MSI2: variants seen among roughly 807,000 people sequenced by gnomAD.
The protein encoded by MSI2 is RNA-binding protein Musashi homolog 2.
MSI2 carries 17 observed loss-of-function variants against 45.6 expected under a neutral mutation model. The observed-to-expected ratio is 0.37, with a 90% CI of 0.26 to 0.56. The LOEUF (loss-of-function observed/expected upper bound fraction) is 0.56, where lower values mean the gene tolerates loss of function less well. Among genes scored for constraint, MSI2 ranks in the 20% least tolerant of loss-of-function variants. The pLI, the probability that MSI2 is intolerant of heterozygous loss-of-function variation, is 0.77. For synonymous variants in MSI2, 156 were observed against 158.2 expected (o/e 0.99, Z 0.11); for missense variants, 293 against 444.2 (o/e 0.66, Z 3.06).
At chr17:57,538,880 G>A (rs1329227801) in intron 7 of MSI2, among the ~76,000 whole-genome samples, 1 of 152,184 alleles carries the variant, frequency 6.6e-6, no homozygotes, top group African/African-American at 2.4e-5. Context: ...CTTAATAGCT[G>A]TGTGACCTTG....
intron 5 of MSI2, among the ~76,000 whole-genome samples, chr17:57,382,259 G>A (rs1011963338): frequency 3.3e-5 from 5 of 152,306 alleles, no homozygotes; most frequent in Middle Eastern, 3.4e-3. Flanking sequence ...GTAGGAGGGG[G>A]ACAGGTGAGA....
At chr17:57,621,364 G>A (rs2144583759) in intron 9 of MSI2, among the ~76,000 whole-genome samples, 1 of 152,368 alleles carries the variant, frequency 6.6e-6, no homozygotes, top group African/African-American at 2.4e-5. Context: ...ATTATTGAAA[G>A]AGTGGAAAAA....
In MSI2 at chr17:57,631,912, G is replaced by A. The variant is rs544104654; in HGVS notation, c.727+4609G>A. On this transcript the variant is annotated intron_variant, in intron 10 of 13. Transcript: ENST00000284073. Reference sequence around the variant, plus strand: ...CACAGTCCCGGCCTGGGCTGCCCCCGCTCCAGTCAATGCTCACTGAAAGTC... The same window carrying A: ...CACAGTCCCGGCCTGGGCTGCCCCCACTCCAGTCAATGCTCACTGAAAGTC... The A allele has an allele frequency of 2.8e-4, 440 of 1,572,122 alleles. 2 individuals are homozygous for A. The highest frequency in any genetic ancestry group is 7.8e-4 in the East Asian group (34 of 43,626).
intron 6 of MSI2, among the ~76,000 whole-genome samples, chr17:57,510,776 G>A (rs1355140777): frequency 6.6e-6 from 1 of 152,206 alleles, no homozygotes; most frequent in Non-Finnish European, 1.5e-5. Flanking sequence ...GCTGGAGCTG[G>A]CCAAGGCAGA....
intron 5 of MSI2, among the ~76,000 whole-genome samples, chr17:57,345,883 T>C (rs953921761): frequency 2.0e-5 from 3 of 152,132 alleles, no homozygotes; most frequent in Admixed American, 2.0e-4. Flanking sequence ...TTTTCCTTAC[T>C]GTCCTTTTTC....
chr17:57,560,734 G>A (rs895209265), intron 7 of MSI2, among the ~76,000 whole-genome samples: 8 of 152,184 alleles, frequency 5.3e-5, no homozygotes, highest in Non-Finnish European at 1.0e-4. Context: ...AATTACTGCC[G>A]GTATGGAGAG....
chr17:57,270,183 G>C (rs1438514912), intron 5 of MSI2, among the ~76,000 whole-genome samples: 1 of 152,172 alleles, frequency 6.6e-6, no homozygotes, highest in African/African-American at 2.4e-5. Context: ...GTCATTTATT[G>C]TGAGTTTATA....
intron 10 of MSI2, among the ~76,000 whole-genome samples, chr17:57,640,828 C>T (rs2144651960): frequency 6.6e-6 from 1 of 152,288 alleles, no homozygotes; most frequent in East Asian, 1.9e-4. Flanking sequence ...GCTCTGTGGC[C>T]ATGAAAAGTG....
rs2085566240 is a variant in MSI2 at position 57,477,580 on chromosome 17, CAAA to C, written c.406-52095_406-52093del. 2.0e-5 allele frequency among the ~76,000 whole-genome samples: 3 copies of C among 152,304 alleles called. No individual in the cohort carries two copies. The South Asian group carries it at 6.2e-4, about 32-fold the overall frequency. On this transcript the variant is annotated intron_variant, in intron 6 of 13. Transcript: ENST00000284073. The stretch of plus-strand genomic sequence containing the variant: ...AATGGGCCCTCACCCCCTAGCCCTG[CAAA>C]GACTGTACACATTTGTACAAAGCCT...
chr17:57,314,731 C>T (rs1912710229), intron 5 of MSI2, among the ~76,000 whole-genome samples: 1 of 151,948 alleles, frequency 6.6e-6, no homozygotes, highest in African/African-American at 2.4e-5. Context: ...GCCACCACAC[C>T]CAGCTAATTT....
At chr17:57,526,724 C>A (rs2086710680) in intron 6 of MSI2, among the ~76,000 whole-genome samples, 1 of 152,104 alleles carries the variant, frequency 6.6e-6, no homozygotes, top group Non-Finnish European at 1.5e-5. Flanking sequence ...TACCCCCAAG[C>A]ACTGGGACTT....
chr17:57,351,263 C>T (rs1398895134), intron 5 of MSI2, among the ~76,000 whole-genome samples: 1 of 152,078 alleles, frequency 6.6e-6, no homozygotes, highest in Non-Finnish European at 1.5e-5. Flanking sequence ...CTAGCACACC[C>T]ACATTCTCTT....
chr17:57,416,756 T>TG (rs2084301976), intron 6 of MSI2, among the ~76,000 whole-genome samples: 1 of 152,010 alleles, frequency 6.6e-6, no homozygotes, highest in South Asian at 2.1e-4. Flanking sequence ...TTCCTGGGGT[T>TG]GGGGGGCTGG....
At chr17:57,589,030 G>T (rs548570234) in intron 7 of MSI2, among the ~76,000 whole-genome samples, 1 of 152,296 alleles carries the variant, frequency 6.6e-6, no homozygotes, top group East Asian at 1.9e-4. Flanking sequence ...ATTATTATTA[G>T]AATGTGGACT....
chr17:57,448,612 G>C (rs2084940936), intron 6 of MSI2: 2 of 152,300 alleles, frequency 1.3e-5, no homozygotes, highest in African/African-American at 4.8e-5. Context: ...GTGACTGTGT[G>C]GTCTGGCTGT....
intron 10 of MSI2, among the ~76,000 whole-genome samples, chr17:57,637,356 G>C (rs1409641552): frequency 3.9e-5 from 6 of 152,226 alleles, no homozygotes; most frequent in Non-Finnish European, 2.9e-5. Flanking sequence ...CCTCGGCGTG[G>C]AAAATCAGGA....
intron 6 of MSI2, among the ~76,000 whole-genome samples, chr17:57,521,972 G>C (rs1474397573): frequency 6.6e-6 from 1 of 152,198 alleles, no homozygotes; most frequent in East Asian, 1.9e-4. Flanking sequence ...ACACGGAAAA[G>C]TCTTATTTCA....
chr17:57,264,036 C>T (rs1907552151), intron 5 of MSI2: 1 of 152,230 alleles, frequency 6.6e-6, no homozygotes, highest in Admixed American at 6.5e-5. Flanking sequence ...GTGTGCTCAT[C>T]TGTAAAGTAG....
intron 5 of MSI2, among the ~76,000 whole-genome samples, chr17:57,379,738 C>T (rs1041201271): frequency 2.6e-5 from 4 of 152,006 alleles, no homozygotes; most frequent in Non-Finnish European, 5.9e-5. Context: ...TGGAGTGGCC[C>T]CTCGCCCTCT....
Sources: allele counts gnomAD v4.1 joint callset (sites outside exome capture counted in the v4.1 genomes callset), GRCh38; gene constraint gnomAD v4.1.1; transcripts MANE v1.5; gene names NCBI Gene and HGNC (gene_info 2026-07-23, HGNC 2026-07-21).